The following FNDC1 variants were observed in gnomAD, a reference collection of about 807,000 sequenced individuals.
The protein encoded by FNDC1 is fibronectin type III domain containing 1.
FNDC1 carries 96 observed loss-of-function variants against 168.0 expected under a neutral mutation model. That is an observed-to-expected ratio of 0.57 (90% CI 0.48 to 0.68). FNDC1 has a LOEUF of 0.68. Ranked by LOEUF, FNDC1 falls within the 30% of genes least tolerant of loss-of-function variation. FNDC1 has a pLI of 0.00. For synonymous variants in FNDC1, 1,099 were observed against 1,025.9 expected (o/e 1.07, Z -1.36); for missense variants, 2,587 against 2,482.1 (o/e 1.04, Z -0.90).
At position 159,239,931 on chromosome 6, in the gene FNDC1, G is replaced by A; in HGVS notation, c.4595G>A (p.Gly1532Glu). The A allele has an allele frequency of 6.7e-7, 1 of 1,501,606 alleles. No homozygotes were observed. Among genetic ancestry groups the A allele is most frequent in the Non-Finnish European group, 8.9e-7 (1 of 1,119,658 alleles). 93.0% of individuals were successfully genotyped at this position (1,501,606 alleles called of 1,614,324 possible). ...GGCAACCTGATAATGAGCTCCAATGGGATCCCAGAGTGCTACGCTGAAGAA... is the reference window on the plus strand; with the variant it reads ...GGCAACCTGATAATGAGCTCCAATGAGATCCCAGAGTGCTACGCTGAAGAA... ...DDGNLIMSSN[G>E]IPECYAEEDE... The change falls in exon 14 of 23, where the codon GGG becomes GAG. Residue 1532 changes from glycine (G) to glutamate (E), a missense_variant. Transcript: ENST00000297267.
At chr6:159,193,971 C>T (rs910572306) in intron 1 of FNDC1, among the ~76,000 whole-genome samples, 6 of 152,194 alleles carry the variant, frequency 3.9e-5, no homozygotes, top group African/African-American at 1.4e-4. Flanking sequence ...ACTCAGTCCC[C>T]AGCAAAATAT....
Position 159,267,942 on chromosome 6 carries a change from G to A in FNDC1, c.5569+16G>A, listed in dbSNP as rs1428267270. 1 of 1,601,896 alleles carries A rather than the reference G, an allele frequency of 6.2e-7. No individual in the cohort carries two copies. The highest frequency in any genetic ancestry group is 8.5e-7 in the Non-Finnish European group (1 of 1,173,570). ...ACTATTCAAGGTAATACAAACAAAT[G>A]CCTGATATATTATCCTAGGAGGTGG... On this transcript the variant is annotated intron_variant, in intron 22 of 22. Coordinates refer to ENST00000297267, the MANE Select transcript of FNDC1 (RefSeq NM_032532.3).
intron 15 of FNDC1, 126 bp from the exon 16 acceptor site, chr6:159,248,913 G>A: frequency 3.9e-6 from 3 of 760,694 alleles, no homozygotes; most frequent in South Asian, 2.1e-5. Context: ...TAGGGTGTGT[G>A]TGTGTGTGTG....
chr6:159,190,935 G>A (rs1782124587), intron 1 of FNDC1, among the ~76,000 whole-genome samples: 1 of 152,180 alleles, frequency 6.6e-6, no homozygotes, highest in Non-Finnish European at 1.5e-5. Context: ...AACTACCTGA[G>A]ACTGGGTAAT....
At chr6:159,244,379 A>G (rs1252675838) in intron 14 of FNDC1, among the ~76,000 whole-genome samples, 1 of 152,216 alleles carries the variant, frequency 6.6e-6, no homozygotes, top group Non-Finnish European at 1.5e-5. Context: ...ATAATTTACA[A>G]CTTCTCTCTG....
At chr6:159,225,195 G>A (rs391057) in intron 7 of FNDC1, among the ~76,000 whole-genome samples, 52,998 of 126,082 alleles carry the variant, frequency 0.42, 11,455 homozygotes, top group African/African-American at 0.68. Context: ...ACACACACAC[G>A]CACAGTCACA....
At chr6:159,202,336 A>C (rs1434824184) in intron 4 of FNDC1, among the ~76,000 whole-genome samples, 1 of 152,264 alleles carries the variant, frequency 6.6e-6, no homozygotes, top group Non-Finnish European at 1.5e-5. Context: ...ATTTATGTGA[A>C]GTTATCAGTA....
intron 1 of FNDC1, among the ~76,000 whole-genome samples, chr6:159,173,343 C>T (rs952281584): frequency 6.6e-6 from 1 of 152,210 alleles, no homozygotes; most frequent in Non-Finnish European, 1.5e-5. Flanking sequence ...TAGAAGCTCG[C>T]CTGTGGCTCA....
At chr6:159,200,602 T>A in intron 4 of FNDC1, 21 bp downstream of exon 4, 1 of 1,560,362 alleles carries the variant, frequency 6.4e-7, no homozygotes, top group East Asian at 2.3e-5. Context: ...CTCCTTCATG[T>A]CAGATTCATG....
At chr6:159,219,802 C>T (rs762640745) in intron 5 of FNDC1, among the ~76,000 whole-genome samples, 5 of 152,008 alleles carry the variant, frequency 3.3e-5, no homozygotes, top group African/African-American at 1.2e-4. Context: ...GGAAATTATT[C>T]GTTTCTTGAG....
rs1239116799 is a variant in FNDC1 at position 159,233,535 on chromosome 6, C to T, written c.3023C>T (p.Pro1008Leu). ...CGGGCCCCACAACAGCAGCCCCCTC[C>T]TCCCGTCGCCACGTCCCAGCACCAC... ...PGRAPQQQPP[P>L]PVATSQHHPG... The change falls in exon 11 of 23, where the codon CCT becomes CTT. Residue 1008 changes from proline to leucine, a missense_variant. Pro to Leu is a moderately conservative substitution (Grantham distance 98, BLOSUM62 -3). Transcript: ENST00000297267. The surrounding 1 kb of genome is among the most constrained non-coding windows in gnomAD (Gnocchi z 4.6). The T allele has an allele frequency of 5.0e-6, 8 of 1,596,490 alleles. No homozygotes were observed. In the East Asian group the frequency reaches 6.8e-5, roughly 14 times the overall value.
intron 12 of FNDC1, among the ~76,000 whole-genome samples, chr6:159,238,153 A>T: frequency 6.7e-6 from 1 of 148,874 alleles, no homozygotes. Context: ...GCTGGAGTGC[A>T]GTGGCGCGAT....
At chr6:159,265,784 C>T (rs748016577) in intron 20 of FNDC1, among the ~76,000 whole-genome samples, 5 of 152,022 alleles carry the variant, frequency 3.3e-5, no homozygotes, top group Admixed American at 1.3e-4. Context: ...AAAAATTAGC[C>T]GGGTGTGGTG....
In FNDC1 at chr6:159,262,598, T is replaced by A. The variant is rs532610988; in HGVS notation, c.5254+1329T>A. On this transcript the variant is annotated intron_variant, in intron 19 of 22. Coordinates refer to ENST00000297267, the MANE Select transcript of FNDC1 (RefSeq NM_032532.3). Reference sequence around the variant, plus strand: ...TCAGAATCAATGTGAAAAAAATATTTAAAAAAATTCAAATCCAAAAAGCTA... The same window carrying A: ...TCAGAATCAATGTGAAAAAAATATTAAAAAAAATTCAAATCCAAAAAGCTA... 4.6e-5 allele frequency among the ~76,000 whole-genome samples: 7 copies of A among 152,280 alleles called. No individual in the cohort carries two copies. In the East Asian group the frequency reaches 5.8e-4, roughly 13 times the overall value.
intron 4 of FNDC1, among the ~76,000 whole-genome samples, chr6:159,200,897 T>G (rs966644526): frequency 5.3e-5 from 8 of 152,260 alleles, no homozygotes; most frequent in African/African-American, 1.9e-4. Context: ...ATTAGGATAT[T>G]TATAGCTCTT....
chr6:159,266,164 C>T lies in FNDC1; in HGVS notation c.5365C>T (p.Arg1789Cys), dbSNP rs760021818. The T allele has an allele frequency of 1.9e-5, 30 of 1,613,830 alleles. No homozygotes were observed. Among genetic ancestry groups the T allele is most frequent in the Admixed American group, 5.0e-5 (3 of 60,000 alleles). The change falls in exon 21 of 23, where the codon CGC becomes TGC. Residue 1789 changes from arginine (R) to cysteine (C), a missense_variant. Arg to Cys is a radical substitution (Grantham distance 180, BLOSUM62 -3). Transcript: ENST00000297267. ...TDCHGRQYVK[R>C]TWYRKFVGVV... is the part of the protein sequence containing the mutation. ...CTGCCATGGACGGCAATATGTGAAG[C>T]GCACGTGGTATCGAAAGTTCGTGGG...
At chr6:159,251,139 G>A (rs1370303220) in intron 16 of FNDC1, among the ~76,000 whole-genome samples, 163 bp from the exon 17 acceptor site, 1 of 152,160 alleles carries the variant, frequency 6.6e-6, no homozygotes, top group African/African-American at 2.4e-5. Context: ...ATCCATCAAG[G>A]AGAGCTGGGG....
intron 1 of FNDC1, among the ~76,000 whole-genome samples, chr6:159,191,414 TC>T (rs1159594156): frequency 6.6e-6 from 1 of 152,220 alleles, no homozygotes; most frequent in East Asian, 1.9e-4. Context: ...TGAGTAATTT[TC>T]TCCAGGGAAT....
At chr6:159,179,463 A>G (rs1012564107) in intron 1 of FNDC1, among the ~76,000 whole-genome samples, 3 of 152,186 alleles carry the variant, frequency 2.0e-5, no homozygotes, top group Admixed American at 2.0e-4. Context: ...TGTCTCAAAC[A>G]AAAACAAAAA....
Sources: allele counts gnomAD v4.1 joint callset (sites outside exome capture counted in the v4.1 genomes callset), GRCh38; gene constraint gnomAD v4.1.1; non-coding constraint Gnocchi (gnomAD v3.1); transcripts MANE v1.5; gene names NCBI Gene and HGNC (gene_info 2026-07-23, HGNC 2026-07-21).